The following SFMBT2 variants were observed in gnomAD, a reference collection of about 807,000 sequenced individuals.
SFMBT2 encodes the protein Scm like with four mbt domains 2, also known as scm-like with four MBT domains protein 2.
SFMBT2 carries 38 observed loss-of-function variants against 110.1 expected under a neutral mutation model. The ratio of observed to expected loss-of-function variants is 0.35; its 90% confidence interval spans 0.27 to 0.45. The LOEUF is 0.45. Among genes scored for constraint, SFMBT2 ranks in the 20% least tolerant of loss-of-function variants. SFMBT2 has a pLI of 1.00. For missense variants in SFMBT2, 1,011 were observed against 1,094.9 expected, an observed-to-expected ratio of 0.92 and a Z score of 1.08; for synonymous variants, 425 against 425.4, an observed-to-expected ratio of 1.00 and a Z score of 0.01.
At chr10:7,298,074 C>A (rs1004269058) in intron 4 of SFMBT2, among the ~76,000 whole-genome samples, 9 of 152,208 alleles carry the variant, frequency 5.9e-5, no homozygotes, top group Non-Finnish European at 1.3e-4. Context: ...TCGCCCAGCA[C>A]CCAGAGGCCC....
intron 4 of SFMBT2, among the ~76,000 whole-genome samples, chr10:7,353,128 A>C (rs897782145): frequency 2.0e-5 from 3 of 152,234 alleles, no homozygotes; most frequent in Non-Finnish European, 4.4e-5. Context: ...CCAAAAGTTG[A>C]CTATATTACC....
At chr10:7,221,184 C>T (rs1839722840) in intron 10 of SFMBT2, among the ~76,000 whole-genome samples, 1 of 152,112 alleles carries the variant, frequency 6.6e-6, no homozygotes, top group African/African-American at 2.4e-5. Flanking sequence ...CTTCCTATAC[C>T]CATTGATAAC....
chr10:7,294,336 A>G (rs1842344337), intron 4 of SFMBT2, among the ~76,000 whole-genome samples: 1 of 152,154 alleles, frequency 6.6e-6, no homozygotes, highest in South Asian at 2.1e-4. Flanking sequence ...CCTCATCCTA[A>G]ACCTGTAATA....
At position 7,301,072 on chromosome 10, in the gene SFMBT2, G is replaced by A. The variant is rs973926839; in HGVS notation, c.437-15118C>T. ...TAAGCAGGTAACTCAGTGAAGGAAG[G>A]AGTAAACCCCAGATACCGTGGAAGC... is the stretch of plus-strand genomic sequence containing the variant. On this transcript the variant is annotated intron_variant, in intron 4 of 20. Coordinates refer to ENST00000397167, the MANE Select transcript of SFMBT2 (RefSeq NM_001387889.1). This position sits in a 1 kb window ranked among gnomAD's most constrained non-coding sequence, Gnocchi z 4.2. Among the ~76,000 whole-genome samples, 2 of 152,190 alleles carry A rather than the reference G, an allele frequency of 1.3e-5. No homozygotes were observed. The highest frequency in any genetic ancestry group is 2.9e-5 in the Non-Finnish European group (2 of 68,014).
chr10:7,269,758 GTC>G (rs1564414256), intron 7 of SFMBT2, among the ~76,000 whole-genome samples: 8 of 141,714 alleles, frequency 5.6e-5, no homozygotes, highest in South Asian at 2.4e-4. Context: ...GTGTGTGTGT[GTC>G]TCTTTTTGGA....
chr10:7,215,840 C>T lies in SFMBT2; in HGVS notation c.1330+4571G>A, dbSNP rs1456660116. ...GTGCATCGAACACAGTAGACAAACT[C>T]GCTAGGCGGTATAGACCCCCATGGG... On this transcript the variant is annotated intron_variant, in intron 11 of 20. Coordinates refer to ENST00000397167, the MANE Select transcript of SFMBT2 (RefSeq NM_001387889.1). 12 of 544,734 alleles carry T rather than the reference C, an allele frequency of 2.2e-5. No homozygotes were observed. In the Admixed American group the frequency reaches 3.2e-4, roughly 14 times the overall value. The allele number at this position is 544,734 out of a possible 1,614,324, so 33.7% of individuals were successfully genotyped here.
chr10:7,370,300 G>A lies in SFMBT2; in HGVS notation c.176C>T (p.Pro59Leu). The A allele has an allele frequency of 1.9e-6, 3 of 1,613,982 alleles. No individual in the cohort carries two copies. Among genetic ancestry groups the A allele is most frequent in the Non-Finnish European group, 2.5e-6 (3 of 1,179,882 alleles). ...YLEETGASAA[P>L]HTSFKHVEIS... Reference sequence around the variant, plus strand: ...ACATACGTGTTTGAATGATGTGTGGGGAGCAGCACTTGCTCCTGTCTCTTC... The same window carrying A: ...ACATACGTGTTTGAATGATGTGTGGAGAGCAGCACTTGCTCCTGTCTCTTC... The change falls in exon 3 of 21, where the codon CCC becomes CTC. Residue 59 changes from proline (P) to leucine (L), a missense_variant. Coordinates refer to ENST00000397167, the MANE Select transcript of SFMBT2 (RefSeq NM_001387889.1).
intron 6 of SFMBT2, among the ~76,000 whole-genome samples, chr10:7,280,702 C>T (rs1251082272): frequency 6.6e-6 from 1 of 152,182 alleles, no homozygotes; most frequent in Non-Finnish European, 1.5e-5. Context: ...AGCAAGATAT[C>T]CTTATCCCCA....
At chr10:7,325,694 G>A (rs192011812) in intron 4 of SFMBT2, among the ~76,000 whole-genome samples, 65 of 152,256 alleles carry the variant, frequency 4.3e-4, no homozygotes, top group East Asian at 3.9e-3. Context: ...ACAACGTGGC[G>A]GTCAAATCTT....
At chr10:7,195,046 G>A (rs114299574) in intron 15 of SFMBT2, among the ~76,000 whole-genome samples, 3,341 of 152,298 alleles carry the variant, frequency 0.022, 119 homozygotes, top group African/African-American at 0.076. Flanking sequence ...TCAGCTCTCC[G>A]TATTTTTGTC....
chr10:7,377,770 T>A (rs1488655330), intron 2 of SFMBT2, among the ~76,000 whole-genome samples: 5 of 152,160 alleles, frequency 3.3e-5, no homozygotes, highest in Admixed American at 6.5e-5. Context: ...CTCAGCTCCC[T>A]CACCTGACAC....
At chr10:7,393,572 A>C (rs1445445816) in intron 1 of SFMBT2, among the ~76,000 whole-genome samples, 1 of 152,222 alleles carries the variant, frequency 6.6e-6, no homozygotes, top group Non-Finnish European at 1.5e-5. Flanking sequence ...AAGTGCACAC[A>C]GGTAGAAATC....
chr10:7,167,121 G>A (rs1385311751), intron 20 of SFMBT2, among the ~76,000 whole-genome samples: 1 of 152,174 alleles, frequency 6.6e-6, no homozygotes, highest in Non-Finnish European at 1.5e-5. Context: ...CCTAATGGAG[G>A]TATTGAGATC....
At position 7,172,075 on chromosome 10, in the gene SFMBT2, C is replaced by T. The variant is rs368550342; in HGVS notation, c.2235G>A (p.Thr745=). ...ETGSELRDDQ[T]DTSSAEVPSA... ...AGGGCACCTCCGCCGACGAGGTGTC[C>T]GTCTGGTCATCCCGGAGCTCGGAGC... is the stretch of plus-strand genomic sequence containing the variant. Residue 745 remains threonine, a synonymous_variant, in exon 19 of 21, where the codon ACG becomes ACA. Coordinates refer to ENST00000397167, the MANE Select transcript of SFMBT2 (RefSeq NM_001387889.1). This position sits in a 1 kb window ranked among gnomAD's most constrained non-coding sequence, Gnocchi z 4.6. 1.8e-5 allele frequency: 29 copies of T among 1,606,634 alleles called. No homozygotes were observed. The highest frequency in any genetic ancestry group is 1.2e-4 in the African/African-American group (9 of 74,714).
At chr10:7,257,132 G>T (rs551633549) in intron 7 of SFMBT2, among the ~76,000 whole-genome samples, 23 of 151,686 alleles carry the variant, frequency 1.5e-4, no homozygotes, top group African/African-American at 5.3e-4. Flanking sequence ...GGAAAGAAAA[G>T]AAAAGAAAAA....
intron 9 of SFMBT2, 116 bp from the exon 10 acceptor site, chr10:7,228,053 T>A: frequency 1.5e-6 from 1 of 660,620 alleles, no homozygotes; most frequent in Non-Finnish European, 2.5e-6. Flanking sequence ...CTCTGATGCC[T>A]AACAGCACTT....
rs1377965733 is a variant in SFMBT2 at position 7,163,761 on chromosome 10, A to C, written c.*9T>G. 11 of 1,613,040 alleles carry C rather than the reference A, an allele frequency of 6.8e-6. No homozygotes were observed. The Admixed American group carries it at 1.8e-4, about 27-fold the overall frequency. ...CCCAGCAATAATGGGCCACCTCCCG[A>C]GGGCAGACTCAGTTGGCGTACTGGG... On this transcript the variant is annotated 3_prime_UTR_variant, in exon 21 of 21. Coordinates refer to ENST00000397167, the MANE Select transcript of SFMBT2 (RefSeq NM_001387889.1). This position sits in a 1 kb window ranked among gnomAD's most constrained non-coding sequence, Gnocchi z 4.8.
chr10:7,264,280 C>A, intron 7 of SFMBT2: 2 of 227,840 alleles, frequency 8.8e-6, no homozygotes, highest in Non-Finnish European at 1.5e-5. Flanking sequence ...CAATGCAGTG[C>A]ACTGCCGTGA....
intron 12 of SFMBT2, chr10:7,205,525 C>T: frequency 1.0e-6 from 1 of 985,282 alleles, no homozygotes; most frequent in Non-Finnish European, 1.2e-6. Flanking sequence ...TATTTTTTCA[C>T]ATCAAAACAA....
Sources: gnomAD v4.1 joint callset for allele counts (sites outside exome capture counted in the v4.1 genomes callset) on GRCh38, gnomAD v4.1.1 for gene constraint, Gnocchi (gnomAD v3.1) non-coding constraint, MANE v1.5 for transcripts, NCBI Gene and HGNC (gene_info 2026-07-23, HGNC 2026-07-21) for gene names.